The following SLC35E2B variants were observed in gnomAD, a reference collection of about 807,000 sequenced individuals.
The protein encoded by SLC35E2B is solute carrier family 35 member E2B.
In SLC35E2B, 18 loss-of-function variants were observed where a neutral mutation model predicts 32.4. The ratio of observed to expected loss-of-function variants is 0.56; its 90% CI spans 0.38 to 0.82. SLC35E2B has a LOEUF of 0.82. SLC35E2B is among the 40% of genes least tolerant of loss of function. SLC35E2B has a pLI of 0.00. For synonymous variants in SLC35E2B, 132 were observed against 209.1 expected (o/e 0.63, Z 3.18); for missense variants, 263 against 469.5 (o/e 0.56, Z 4.06).
At chr1:1,669,957 G>C in intron 7 of SLC35E2B, 141 bp downstream of exon 7, 1 of 889,076 alleles carries the variant, frequency 1.1e-6, no homozygotes, top group East Asian at 2.7e-5. Context: ...GGTCCCTCCC[G>C]AGCTTAGACA....
At chr1:1,681,857 C>A (rs1184132204) in intron 2 of SLC35E2B, among the ~76,000 whole-genome samples, 3 of 150,832 alleles carry the variant, frequency 2.0e-5, no homozygotes, top group African/African-American at 7.3e-5. Context: ...TGGTGGCGGG[C>A]GCCTGTAGTC....
rs1204117668 is a variant in SLC35E2B at position 1,663,769 on chromosome 1, TTCTA to T, written c.*2009_*2012del. ...GAGGCGTGAGCCACCGCACCCAGTC[TTCTA>T]TTAGTTTTTGAGGAAAGCAGAAAAA... On this transcript the variant is annotated 3_prime_UTR_variant, in exon 10 of 10. Coordinates refer to ENST00000617444, the MANE Select transcript of SLC35E2B (RefSeq NM_001290264.2). 1.2e-6 allele frequency: 1 copy of T among 812,354 alleles called. No homozygotes were observed. The allele number at this position is 812,354 out of a possible 1,614,324, so 50.3% of individuals were successfully genotyped here.
At chr1:1,671,475 C>T (rs1333556130) in intron 6 of SLC35E2B, 34 bp downstream of exon 6, 9 of 1,415,662 alleles carry the variant, frequency 6.4e-6, no homozygotes, top group African/African-American at 2.9e-5. Context: ...CACCGGGTCT[C>T]GTCCCCCTCA....
At chr1:1,673,823 C>T (rs556252774) in intron 5 of SLC35E2B, among the ~76,000 whole-genome samples, 23 of 150,928 alleles carry the variant, frequency 1.5e-4, no homozygotes, top group East Asian at 9.8e-4. Flanking sequence ...ATTAGACGGA[C>T]GCAGTGGTGG....
chr1:1,680,805 C>CTTT (rs751698818), intron 2 of SLC35E2B, among the ~76,000 whole-genome samples: 1 of 141,454 alleles, frequency 7.1e-6, no homozygotes, highest in Non-Finnish European at 1.6e-5. Context: ...GCTGCTTATT[C>CTTT]TTTTTTTTTT....
At chr1:1,667,873 A>G (rs1220677372) in intron 9 of SLC35E2B, among the ~76,000 whole-genome samples, 1 of 149,052 alleles carries the variant, frequency 6.7e-6, no homozygotes, top group Non-Finnish European at 1.5e-5. Flanking sequence ...TTTTTTTGAG[A>G]AGGACTCTCG....
Position 1,665,924 on chromosome 1 carries a change from A to G in SLC35E2B, c.1076T>C (p.Leu359Pro). The change falls in exon 10 of 10, where the codon CTG (leucine) becomes CCG (proline). Residue 359 changes from leucine (L) to proline (P), a missense_variant. Transcript: ENST00000617444. ...ITSLSAVGTA[L>P]VTVGVLLYNK... ...GTAGAGCAGGACCCCAACGGTCACCAGGGCTGTGCCAACGGCCGACAAGCT... is the reference window on the plus strand; with the variant it reads ...GTAGAGCAGGACCCCAACGGTCACCGGGGCTGTGCCAACGGCCGACAAGCT... 6.4e-7 allele frequency: 1 copy of G among 1,551,406 alleles called. No individual in the cohort carries two copies. The highest frequency in any genetic ancestry group is 8.7e-7 in the Non-Finnish European group (1 of 1,146,980).
At position 1,669,689 on chromosome 1, in the gene SLC35E2B, A is replaced by G; in HGVS notation, c.809T>C (p.Leu270Pro). 5 of 1,533,510 alleles carry G rather than the reference A, an allele frequency of 3.3e-6. No individual in the cohort carries two copies. Among genetic ancestry groups the G allele is most frequent in the Non-Finnish European group, 4.4e-6 (5 of 1,133,662 alleles). 95.0% of individuals were successfully genotyped at this position (1,533,510 alleles called of 1,614,324 possible). The change falls in exon 8 of 10, where the codon CTC becomes CCC. Residue 270 changes from leucine (L) to proline (P), a missense_variant. Leu to Pro is a moderately conservative substitution (Grantham distance 98). Around this residue, in one of 7 missense-constraint regions of SLC35E2B, gnomAD observed 129 missense variants for 164.5 expected, o/e 0.78. Coordinates refer to ENST00000617444, the MANE Select transcript of SLC35E2B (RefSeq NM_001290264.2). Reference sequence around the variant, plus strand: ...CGTAAAGAAAACCCGGGCCGGGACGAGCATGGCCACCGCAGCGGCGCTGGT... The same window carrying G: ...CGTAAAGAAAACCCGGGCCGGGACGGGCATGGCCACCGCAGCGGCGCTGGT... The part of the protein sequence containing the change: ...FYTSAAAVAM[L>P]VPARVFFTDV...
rs1175172108 is a variant in SLC35E2B at position 1,669,709 on chromosome 1, G to A, written c.789C>T (p.Ser263=). 7 of 1,539,870 alleles carry A rather than the reference G, an allele frequency of 4.5e-6. No homozygotes were observed. The highest frequency in any genetic ancestry group is 2.3e-4 in the Middle Eastern group (1 of 4,420). The change falls in exon 8 of 10, where the codon AGC becomes AGT. Residue 263 remains serine, a synonymous_variant. Transcript: ENST00000617444. ...FSAPELQFYT[S]AAAVAMLVPA... ...GGACGAGCATGGCCACCGCAGCGGCGCTGGTGTAGAACTGCAGCTCCGGGG... is the reference window on the plus strand; with the variant it reads ...GGACGAGCATGGCCACCGCAGCGGCACTGGTGTAGAACTGCAGCTCCGGGG...
At chr1:1,679,736 G>A (rs142991952) in intron 2 of SLC35E2B, among the ~76,000 whole-genome samples, 2,457 of 151,084 alleles carry the variant, frequency 0.016, 95 homozygotes, top group African/African-American at 0.057. Flanking sequence ...GGAGGCTGAG[G>A]CAGGAGAATC....
chr1:1,679,285 A>G (rs924818698), intron 2 of SLC35E2B, among the ~76,000 whole-genome samples: 1 of 152,164 alleles, frequency 6.6e-6, no homozygotes, highest in African/African-American at 2.4e-5. Flanking sequence ...TCAAAAGGCA[A>G]GCATCTCCCT....
intron 2 of SLC35E2B, among the ~76,000 whole-genome samples, chr1:1,686,188 G>A (rs1316907682): frequency 6.6e-6 from 1 of 152,032 alleles, no homozygotes; most frequent in East Asian, 1.9e-4. Context: ...ATTTTTAGTA[G>A]AGACGGGTTT....
chr1:1,679,937 C>T (rs765637880), intron 2 of SLC35E2B, among the ~76,000 whole-genome samples: 23 of 151,710 alleles, frequency 1.5e-4, no homozygotes, highest in Middle Eastern at 3.4e-3. Flanking sequence ...TCAAGACCAG[C>T]CTGACCAACG....
Position 1,665,817 on chromosome 1 carries a change from G to A in SLC35E2B, c.1183C>T (p.Pro395Ser). 6.4e-7 allele frequency: 1 copy of A among 1,550,892 alleles called. No individual in the cohort carries two copies. Among genetic ancestry groups the A allele is most frequent in the Non-Finnish European group, 8.7e-7 (1 of 1,146,980 alleles). The stretch of plus-strand genomic sequence containing the variant: ...TGCCTGGGGTCCTGTGGAAGCAGCG[G>A]CTCCACTGTGTCGTCTGGGGCCCGG... ...TGRAPDDTVEPLLPQDPRQHP is the reference protein window; with the variant it reads ...TGRAPDDTVESLLPQDPRQHP Residue 395 changes from proline to serine, a missense_variant, in exon 10 of 10, where the codon CCG becomes TCG. Coordinates refer to ENST00000617444, the MANE Select transcript of SLC35E2B (RefSeq NM_001290264.2).
intron 2 of SLC35E2B, among the ~76,000 whole-genome samples, chr1:1,684,471 G>C (rs1301678959): frequency 3.3e-5 from 5 of 152,124 alleles, no homozygotes; most frequent in Admixed American, 3.3e-4. Context: ...ATTAAGAATA[G>C]GAGGCCGGGC....
chr1:1,682,499 C>T (rs544175129), intron 2 of SLC35E2B, among the ~76,000 whole-genome samples: 5 of 152,230 alleles, frequency 3.3e-5, no homozygotes, highest in African/African-American at 9.6e-5. Context: ...CCCACCGGAG[C>T]GGGGGAAGAC....
Position 1,675,498 on chromosome 1 carries a change from A to C in SLC35E2B, c.551T>G (p.Val184Gly). 6.2e-7 allele frequency: 1 copy of C among 1,604,674 alleles called. No homozygotes were observed. Among genetic ancestry groups the C allele is most frequent in the Non-Finnish European group, 8.5e-7 (1 of 1,176,030 alleles). The change falls in exon 5 of 10, where the codon GTG (valine) becomes GGG (glycine). Residue 184 changes from valine (V) to glycine (G), a missense_variant. Coordinates refer to ENST00000617444, the MANE Select transcript of SLC35E2B (RefSeq NM_001290264.2). ...TVKSSAPIFT[V>G]IMSRMILGEY... Reference sequence around the variant, plus strand: ...CCCCAGAATCATCCGAGACATGATCACCGTGAAGATGGGGGCGGAGCTCTT... The same window carrying C: ...CCCCAGAATCATCCGAGACATGATCCCCGTGAAGATGGGGGCGGAGCTCTT...
intron 2 of SLC35E2B, among the ~76,000 whole-genome samples, chr1:1,688,345 A>G (rs1474715294): frequency 1.3e-5 from 2 of 151,992 alleles, no homozygotes; most frequent in Non-Finnish European, 2.9e-5. Flanking sequence ...GCTGGCTCAC[A>G]CCTGCCATCC....
chr1:1,688,232 A>G (rs1643974903), intron 2 of SLC35E2B, among the ~76,000 whole-genome samples: 2 of 152,168 alleles, frequency 1.3e-5, no homozygotes, highest in African/African-American at 2.4e-5. Flanking sequence ...GAGTGACAGA[A>G]TGAGAAGCCA....
Sources: allele counts gnomAD v4.1 joint callset (sites outside exome capture counted in the v4.1 genomes callset), GRCh38; gene constraint gnomAD v4.1.1; regional missense constraint gnomAD v4.1.1; transcripts MANE v1.5; gene names NCBI Gene and HGNC (gene_info 2026-07-23, HGNC 2026-07-21).